The following PRDM16 variants were observed in gnomAD, a reference collection of about 807,000 sequenced individuals.
The protein encoded by PRDM16 is histone-lysine N-methyltransferase PRDM16.
Under a neutral mutation model 110.6 loss-of-function variants are expected in PRDM16, and 23 were observed. The observed-to-expected ratio is 0.21, with a 90% CI of 0.15 to 0.29. The LOEUF (loss-of-function observed/expected upper bound fraction) is 0.29. PRDM16 is among the 10% of genes least tolerant of loss of function. PRDM16 has a pLI of 1.00. For synonymous variants in PRDM16, 799 were observed against 781.8 expected, an observed-to-expected ratio of 1.02 and a Z score of -0.37; for missense variants, 1,615 against 1,794.3, an observed-to-expected ratio of 0.90 and a Z score of 1.81.
intron 3 of PRDM16, among the ~76,000 whole-genome samples, chr1:3,269,065 T>C (rs971271882): frequency 4.0e-5 from 6 of 151,698 alleles, no homozygotes; most frequent in African/African-American, 1.5e-4. Flanking sequence ...TGTTTCTTGC[T>C]CCCAGGTGGG....
In PRDM16 at chr1:3,139,540, C is replaced by T. The variant is rs371209325; in HGVS notation, c.38-46585C>T. On this transcript the variant is annotated intron_variant, in intron 1 of 16. Transcript: ENST00000270722. ...GCGCTCAGCCCAGCAGTGCCGCATCCGGGGGTGCTCGGGCACTGCCTGCTC... is the reference window on the plus strand; with the variant it reads ...GCGCTCAGCCCAGCAGTGCCGCATCTGGGGGTGCTCGGGCACTGCCTGCTC... Among the ~76,000 whole-genome samples the T allele has an allele frequency of 9.8e-5, 15 of 152,326 alleles. 1 individual carries two copies. Among genetic ancestry groups the T allele is most frequent in the Middle Eastern group, 3.4e-3 (1 of 294 alleles).
chr1:3,105,744 G>A lies in PRDM16; in HGVS notation c.37+36448G>A, dbSNP rs184061100. On this transcript the variant is annotated intron_variant, in intron 1 of 16. Coordinates refer to ENST00000270722, the MANE Select transcript of PRDM16 (RefSeq NM_022114.4). ...GCCCACAAGCAGCATGCTAATTAGC[G>A]CTCCGCTGGCCTCGCCTCCCGCCCT... Among the ~76,000 whole-genome samples, 280 of 152,316 alleles carry A rather than the reference G, an allele frequency of 1.8e-3. 1 individual carries two copies. Among genetic ancestry groups the A allele is most frequent in the African/African-American group, 6.1e-3 (255 of 41,572 alleles).
intron 1 of PRDM16, among the ~76,000 whole-genome samples, chr1:3,120,537 C>T (rs749632415): frequency 3.5e-4 from 54 of 152,320 alleles, no homozygotes; most frequent in Non-Finnish European, 6.5e-4. Context: ...GCCACCATCC[C>T]CGCAAAGCTG....
chr1:3,379,136 AC>A (rs1643050221), intron 3 of PRDM16, among the ~76,000 whole-genome samples: 2 of 24,896 alleles, frequency 8.0e-5, no homozygotes, highest in South Asian at 6.6e-3. Flanking sequence ...CTCCCAACAC[AC>A]CCCTCCCAGC....
intron 3 of PRDM16, among the ~76,000 whole-genome samples, chr1:3,259,045 C>T (rs995643183): frequency 9.2e-5 from 14 of 152,222 alleles, no homozygotes; most frequent in Non-Finnish European, 1.6e-4. Flanking sequence ...CAAAAGGGAA[C>T]TGGCAAGGTG....
chr1:3,251,121 G>A (rs1421216555), intron 3 of PRDM16, among the ~76,000 whole-genome samples: 2 of 152,230 alleles, frequency 1.3e-5, no homozygotes, highest in Non-Finnish European at 2.9e-5. Context: ...TTAAACAGAG[G>A]GGTCTTCTTA....
At chr1:3,099,235 C>A (rs1205424763) in intron 1 of PRDM16, among the ~76,000 whole-genome samples, 1 of 152,236 alleles carries the variant, frequency 6.6e-6, no homozygotes, top group Non-Finnish European at 1.5e-5. Context: ...TCTGACCAAC[C>A]CAGTTCTAGC....
intron 3 of PRDM16, among the ~76,000 whole-genome samples, chr1:3,282,913 G>A (rs929673129): frequency 6.6e-6 from 1 of 152,232 alleles, no homozygotes; most frequent in African/African-American, 2.4e-5. Flanking sequence ...GCAGTGAGAG[G>A]CGTGGTAGTA....
At chr1:3,217,939 G>A (rs183116661) in intron 2 of PRDM16, among the ~76,000 whole-genome samples, 141 of 152,300 alleles carry the variant, frequency 9.3e-4, no homozygotes, top group Non-Finnish European at 1.7e-3. Context: ...CCCTCTTGCC[G>A]GCCCTCCCTC....
Position 3,436,229 on chromosome 1 carries a change from C to G in PRDM16, c.*2418C>G, listed in dbSNP as rs2100712109. On this transcript the variant is annotated 3_prime_UTR_variant, in exon 17 of 17. Coordinates refer to ENST00000270722, the MANE Select transcript of PRDM16 (RefSeq NM_022114.4). ...TTTTTTTTGCAATATGACCCCGTCT[C>G]TCTGAAGTGGGACATTCGGACGGAT... The G allele has an allele frequency of 4.4e-6, 1 of 228,246 alleles. No homozygotes were observed. The highest frequency in any genetic ancestry group is 1.8e-4 in the South Asian group (1 of 5,468). 14.1% of individuals were successfully genotyped at this position (228,246 alleles called of 1,614,324 possible).
rs555482061 is a variant in PRDM16 at position 3,261,430 on chromosome 1, C to T, written c.438+17293C>T. Among the ~76,000 whole-genome samples the T allele has an allele frequency of 1.1e-4, 17 of 152,214 alleles. No individual in the cohort carries two copies. The South Asian group carries it at 1.7e-3, about 15-fold the overall frequency. On this transcript the variant is annotated intron_variant, in intron 3 of 16. Transcript: ENST00000270722. ...ATGGAAACATCTTTTAGCTGCCAGA[C>T]GGGGCTTCTGATAAGCCGCCAATTC... is the stretch of plus-strand genomic sequence containing the variant.
chr1:3,285,869 T>A (rs1640833169), intron 3 of PRDM16, among the ~76,000 whole-genome samples: 1 of 152,098 alleles, frequency 6.6e-6, no homozygotes, highest in Admixed American at 6.5e-5. Flanking sequence ...ACTTTGTGGT[T>A]TTCATCTCTG....
rs975781732 is a variant in PRDM16 at position 3,269,820 on chromosome 1, G to A, written c.438+25683G>A. On this transcript the variant is annotated intron_variant, in intron 3 of 16. Coordinates refer to ENST00000270722, the MANE Select transcript of PRDM16 (RefSeq NM_022114.4). ...AGGAGGACAGTCCCAGAGAATGACA[G>A]GGAGGAGGACAGTCCCAGAGGATGA... 3.0e-5 allele frequency among the ~76,000 whole-genome samples: 4 copies of A among 133,480 alleles called. No individual in the cohort carries two copies. In the Admixed American group the frequency reaches 3.2e-4, roughly 11 times the overall value. The allele number at this position is 133,480 out of a possible 152,430, so 87.6% of individuals were successfully genotyped here.
At chr1:3,106,162 T>A (rs1172114259) in intron 1 of PRDM16, among the ~76,000 whole-genome samples, 1 of 137,308 alleles carries the variant, frequency 7.3e-6, no homozygotes, top group Admixed American at 7.1e-5. Context: ...GGGCGGGGTA[T>A]GGGGGGAAGC....
chr1:3,247,678 A>C (rs1174995634), intron 3 of PRDM16, among the ~76,000 whole-genome samples: 1 of 152,222 alleles, frequency 6.6e-6, no homozygotes, highest in Non-Finnish European at 1.5e-5. Context: ...CGCGCAGCCC[A>C]GAGCTTTGGC....
At position 3,402,874 on chromosome 1, in the gene PRDM16, G is replaced by A. The variant is rs1276760887; in HGVS notation, c.760G>A (p.Gly254Ser). The A allele has an allele frequency of 6.2e-7, 1 of 1,613,088 alleles. No homozygotes were observed. The highest frequency in any genetic ancestry group is 1.7e-5 in the Admixed American group (1 of 60,026). Residue 254 changes from glycine (G) to serine (S), a missense_variant, in exon 6 of 17, where the codon GGC (glycine) becomes AGC (serine). By Grantham distance (56) the Gly-to-Ser change is moderately conservative. Around this residue, in one of 5 missense-constraint regions of PRDM16, gnomAD observed 416 missense variants for 467.1 expected, o/e 0.89. Transcript: ENST00000270722. ...DLRRHKKYTC[G>S]SVGAALYEGL... ...GCGGCGCCATAAGAAGTACACGTGT[G>A]GCTCAGTGGGGGCTGCGCTCTACGA...
intron 3 of PRDM16, among the ~76,000 whole-genome samples, chr1:3,293,752 C>T (rs995394039): frequency 2.0e-5 from 3 of 152,210 alleles, no homozygotes; most frequent in Admixed American, 6.5e-5. Context: ...GTGCAGGATG[C>T]TCAGTGGTCG....
intron 3 of PRDM16, among the ~76,000 whole-genome samples, chr1:3,343,587 A>T (rs1157811249): frequency 1.3e-5 from 2 of 151,594 alleles, no homozygotes; most frequent in Non-Finnish European, 1.5e-5. Flanking sequence ...ATATTGTCCC[A>T]CATATCGCTC....
intron 1 of PRDM16, among the ~76,000 whole-genome samples, chr1:3,097,741 G>A (rs1642438397): frequency 6.6e-6 from 1 of 152,190 alleles, no homozygotes; most frequent in African/African-American, 2.4e-5. Flanking sequence ...CGAGGCCTGG[G>A]AAGGTTCCTC....
Sources: gnomAD v4.1 joint callset for allele counts (sites outside exome capture counted in the v4.1 genomes callset) on GRCh38, gnomAD v4.1.1 for gene constraint, gnomAD v4.1.1 regional missense constraint, MANE v1.5 for transcripts, NCBI Gene and HGNC (gene_info 2026-07-23, HGNC 2026-07-21) for gene names.